LUZP2: variants seen among roughly 807,000 people sequenced by gnomAD.
The protein encoded by LUZP2 is leucine zipper protein 2.
In LUZP2, 52 loss-of-function variants were observed where a neutral mutation model predicts 51.6. The ratio of observed to expected loss-of-function variants is 1.01; its 90% CI spans 0.81 to 1.27. The LOEUF (loss-of-function observed/expected upper bound fraction) is 1.27. LUZP2 is among the 50% of genes most tolerant of loss of function. LUZP2 has a pLI of 0.00. For missense variants in LUZP2, 436 were observed against 395.4 expected, an observed-to-expected ratio of 1.10 and a Z score of -0.87; for synonymous variants, 154 against 137.3, an observed-to-expected ratio of 1.12 and a Z score of -0.85.
At chr11:25,005,423 T>A (rs1348188538) in intron 9 of LUZP2, among the ~76,000 whole-genome samples, 1 of 152,174 alleles carries the variant, frequency 6.6e-6, no homozygotes, top group East Asian at 1.9e-4. Flanking sequence ...TTTTGTAATT[T>A]ATATTTCCCT....
At chr11:24,827,633 A>G (rs1384323636) in intron 5 of LUZP2, among the ~76,000 whole-genome samples, 5 of 152,188 alleles carry the variant, frequency 3.3e-5, no homozygotes, top group African/African-American at 1.2e-4. Context: ...GCGTAGGGGC[A>G]TGATGGAAGT....
At chr11:25,011,017 ATT>A (rs1856969602) in intron 9 of LUZP2, among the ~76,000 whole-genome samples, 1 of 152,180 alleles carries the variant, frequency 6.6e-6, no homozygotes, top group African/African-American at 2.4e-5. Context: ...AGAGGCTAAA[ATT>A]AGAGTCACTG....
At chr11:24,755,877 T>C (rs1859755421) in intron 4 of LUZP2, among the ~76,000 whole-genome samples, 2 of 152,194 alleles carry the variant, frequency 1.3e-5, no homozygotes, top group African/African-American at 4.8e-5. Context: ...GAAATGGCTC[T>C]TTTTATCTGT....
chr11:24,938,004 C>T (rs1414014498), intron 7 of LUZP2, among the ~76,000 whole-genome samples: 2 of 152,056 alleles, frequency 1.3e-5, no homozygotes, highest in East Asian at 3.9e-4. Flanking sequence ...GATTGCCCAC[C>T]TTTTCTCCTT....
At chr11:24,932,015 T>C (rs1396614879) in intron 7 of LUZP2, among the ~76,000 whole-genome samples, 1 of 152,154 alleles carries the variant, frequency 6.6e-6, no homozygotes, top group African/African-American at 2.4e-5. Flanking sequence ...ACTGCAGTGA[T>C]TGTTATTTCT....
intron 1 of LUZP2, among the ~76,000 whole-genome samples, chr11:24,586,168 A>G (rs1590210471): frequency 1.3e-5 from 2 of 152,122 alleles, no homozygotes; most frequent in Admixed American, 1.3e-4. Context: ...TACTTTAAAT[A>G]GAATAGCAAG....
intron 5 of LUZP2, among the ~76,000 whole-genome samples, chr11:24,829,043 T>C (rs559628295): frequency 6.6e-6 from 1 of 152,228 alleles, no homozygotes; most frequent in African/African-American, 2.4e-5. Context: ...ACCCTGTTAG[T>C]TTCCTTCAGG....
chr11:25,068,874 G>A (rs1859071510), intron 10 of LUZP2, among the ~76,000 whole-genome samples: 1 of 151,840 alleles, frequency 6.6e-6, no homozygotes. Context: ...CTCACTTACA[G>A]AATGTTTACT....
At chr11:24,610,245 G>A (rs371068803) in intron 1 of LUZP2, among the ~76,000 whole-genome samples, 1 of 152,194 alleles carries the variant, frequency 6.6e-6, no homozygotes, top group African/African-American at 2.4e-5. Flanking sequence ...CAGTTCTGGA[G>A]GTTGTGGGGG....
chr11:24,945,499 T>A (rs1299544708), intron 7 of LUZP2, among the ~76,000 whole-genome samples: 1 of 148,016 alleles, frequency 6.8e-6, no homozygotes, highest in Non-Finnish European at 1.5e-5. Context: ...GTTGTCTGTT[T>A]AAATTTCAAA....
chr11:24,567,425 T>C (rs895842657), intron 1 of LUZP2, among the ~76,000 whole-genome samples: 1 of 152,030 alleles, frequency 6.6e-6, no homozygotes, highest in Admixed American at 6.6e-5. Context: ...TTTAAATAAT[T>C]AATAGAAACC....
intron 1 of LUZP2, among the ~76,000 whole-genome samples, chr11:24,508,773 A>C (rs1487573461): frequency 1.3e-5 from 2 of 152,124 alleles, no homozygotes; most frequent in African/African-American, 4.8e-5. Flanking sequence ...AATTTGTCTA[A>C]GGTTACTTTA....
chr11:24,871,656 T>C (rs963587141), intron 5 of LUZP2, among the ~76,000 whole-genome samples: 1 of 152,060 alleles, frequency 6.6e-6, no homozygotes, highest in African/African-American at 2.4e-5. Flanking sequence ...TCCCCAAATG[T>C]ATTTAATCAC....
chr11:24,739,976 G>C (rs1016694565), intron 4 of LUZP2, among the ~76,000 whole-genome samples: 8 of 152,156 alleles, frequency 5.3e-5, no homozygotes, highest in Non-Finnish European at 1.2e-4. Context: ...TTTAGTATCA[G>C]CTTGTCGATC....
chr11:24,964,820 CTAGA>C (rs1222772146), intron 7 of LUZP2, among the ~76,000 whole-genome samples: 3 of 151,416 alleles, frequency 2.0e-5, no homozygotes, highest in African/African-American at 2.4e-5. Flanking sequence ...ATTTATTTAC[CTAGA>C]TAGTCAATCC....
intron 1 of LUZP2, among the ~76,000 whole-genome samples, chr11:24,568,351 C>G (rs961150348): frequency 1.4e-5 from 1 of 69,422 alleles, no homozygotes; most frequent in Admixed American, 1.9e-4. Context: ...GAGAATCTGT[C>G]TCAGAAAAAA....
intron 1 of LUZP2, among the ~76,000 whole-genome samples, chr11:24,607,297 T>C (rs1432377278): frequency 1.3e-5 from 2 of 150,160 alleles, no homozygotes; most frequent in African/African-American, 4.9e-5. Context: ...CTTTAATCCA[T>C]TTTCAGATGA....
intron 1 of LUZP2, among the ~76,000 whole-genome samples, chr11:24,677,398 T>G (rs1247623308): frequency 6.6e-6 from 1 of 152,244 alleles, no homozygotes; most frequent in Non-Finnish European, 1.5e-5. Flanking sequence ...CAACTCATCT[T>G]GTGCTACTTC....
chr11:24,976,653 A>G lies in LUZP2; in HGVS notation c.585A>G (p.Ala195=). 6.3e-7 allele frequency: 1 copy of G among 1,589,306 alleles called. No homozygotes were observed. Among genetic ancestry groups the G allele is most frequent in the East Asian group, 2.3e-5 (1 of 43,336 alleles). The change falls in exon 8 of 12, where the codon GCA becomes GCG. Residue 195 remains alanine, a synonymous_variant. Transcript: ENST00000336930. ...LAVAKNELEK[A]ALDRESQMKA... ...TAGCCAAAAATGAACTGGAGAAAGCAGCTCTTGACAGGGTAAGTCTACATT... is the reference window on the plus strand; with the variant it reads ...TAGCCAAAAATGAACTGGAGAAAGCGGCTCTTGACAGGGTAAGTCTACATT...
Sources: gnomAD v4.1 joint callset for allele counts (sites outside exome capture counted in the v4.1 genomes callset) on GRCh38, gnomAD v4.1.1 for gene constraint, MANE v1.5 for transcripts, NCBI Gene and HGNC (gene_info 2026-07-23, HGNC 2026-07-21) for gene names.